The following LHFPL2 variants were observed in gnomAD, a reference collection of about 807,000 sequenced individuals.
The protein encoded by LHFPL2 is LHFPL tetraspan subfamily member 2, also known as LHFPL tetraspan subfamily member 2 protein.
A neutral mutation model predicts 17.5 loss-of-function variants in LHFPL2; 7 were observed. That is an observed-to-expected ratio of 0.40 (90% CI 0.23 to 0.75). The LOEUF (loss-of-function observed/expected upper bound fraction) is 0.75, where lower values mean the gene tolerates loss of function less well. Ranked by LOEUF, LHFPL2 falls within the 30% of genes least tolerant of loss-of-function variation. LHFPL2 has a pLI of 0.37. For missense variants in LHFPL2, 241 were observed against 294.8 expected (o/e 0.82, Z 1.34); for synonymous variants, 134 against 116.2 (o/e 1.15, Z -0.99).
chr5:78,636,565 A>T (rs1170659399), intron 1 of LHFPL2, among the ~76,000 whole-genome samples: 1 of 152,228 alleles, frequency 6.6e-6, no homozygotes, highest in African/African-American at 2.4e-5. Flanking sequence ...CACCTGGATC[A>T]GAATCAAGCT....
intron 4 of LHFPL2, among the ~76,000 whole-genome samples, chr5:78,502,282 G>A (rs1754798455): frequency 6.6e-6 from 1 of 152,226 alleles, no homozygotes; most frequent in African/African-American, 2.4e-5. Flanking sequence ...GATGCCCTTA[G>A]GATATGTGGA....
intron 2 of LHFPL2, among the ~76,000 whole-genome samples, chr5:78,609,478 AGAG>A: frequency 7.3e-6 from 1 of 136,536 alleles, no homozygotes; most frequent in East Asian, 2.2e-4. Flanking sequence ...AAAAAAAAAG[AGAG>A]AGAGCTTGCT....
intron 4 of LHFPL2, among the ~76,000 whole-genome samples, chr5:78,492,593 A>G (rs936713789): frequency 4.6e-5 from 7 of 152,234 alleles, no homozygotes; most frequent in African/African-American, 1.7e-4. Context: ...CTAATGGCTC[A>G]GGTGTGACTG....
chr5:78,640,564 A>C (rs551758460), intron 1 of LHFPL2, among the ~76,000 whole-genome samples: 26 of 152,366 alleles, frequency 1.7e-4, no homozygotes, highest in African/African-American at 6.0e-4. Flanking sequence ...CCACTGATCC[A>C]GTTTTGTACA....
intron 2 of LHFPL2, among the ~76,000 whole-genome samples, chr5:78,573,117 G>T (rs925562945): frequency 2.0e-5 from 3 of 152,072 alleles, no homozygotes; most frequent in African/African-American, 7.2e-5. Context: ...TTATCTAGTG[G>T]GGAAGAGAAA....
Position 78,618,126 on chromosome 5 carries a change from G to A in LHFPL2, c.-245+14138C>T, listed in dbSNP as rs371376594. On this transcript the variant is annotated intron_variant, in intron 2 of 4. Coordinates refer to ENST00000380345, the MANE Select transcript of LHFPL2 (RefSeq NM_005779.3). ...GGCTGAAGGAGAATCAATTGAACCC[G>A]GGAGGCAGAGGTTGCAGTGAGCCAA... is the stretch of plus-strand genomic sequence containing the variant. Among the ~76,000 whole-genome samples, 8 of 152,116 alleles carry A rather than the reference G, an allele frequency of 5.3e-5. No individual in the cohort carries two copies. The East Asian group carries it at 1.4e-3, about 26-fold the overall frequency.
At chr5:78,500,454 G>A (rs149805723) in intron 4 of LHFPL2, among the ~76,000 whole-genome samples, 441 of 152,286 alleles carry the variant, frequency 2.9e-3, no homozygotes, top group Non-Finnish European at 4.6e-3. Flanking sequence ...TCTGGCTCTC[G>A]TGAAATCTTG....
chr5:78,535,000 T>A (rs1755902920), intron 3 of LHFPL2, among the ~76,000 whole-genome samples: 1 of 152,236 alleles, frequency 6.6e-6, no homozygotes, highest in South Asian at 2.1e-4. Context: ...TGGCATTTTG[T>A]CATAAGCTGA....
At chr5:78,627,846 G>C (rs1745108131) in intron 2 of LHFPL2, among the ~76,000 whole-genome samples, 1 of 152,210 alleles carries the variant, frequency 6.6e-6, no homozygotes, top group African/African-American at 2.4e-5. Flanking sequence ...TGACCACTAT[G>C]CTGCAAATAA....
chr5:78,623,531 G>A (rs1183474198), intron 2 of LHFPL2, among the ~76,000 whole-genome samples: 1 of 152,184 alleles, frequency 6.6e-6, no homozygotes, highest in Non-Finnish European at 1.5e-5. Context: ...ATACAAATAA[G>A]CAAAAGGTGT....
chr5:78,633,363 T>G (rs950346012), intron 1 of LHFPL2, among the ~76,000 whole-genome samples: 12 of 152,344 alleles, frequency 7.9e-5, no homozygotes, highest in East Asian at 1.9e-4. Context: ...GGGCAGAGTC[T>G]GCCTGCCTCA....
rs559097096 is a variant in LHFPL2 at position 78,502,414 on chromosome 5, C to T, written c.430+7370G>A. On this transcript the variant is annotated intron_variant, in intron 4 of 4. Coordinates refer to ENST00000380345, the MANE Select transcript of LHFPL2 (RefSeq NM_005779.3). ...AGTTTTTAAAGCCTTAACTCTAGAA[C>T]GTTGAAATACATCTCAACAGACTAA... Among the ~76,000 whole-genome samples the T allele has an allele frequency of 5.9e-5, 9 of 152,320 alleles. No homozygotes were observed. In the South Asian group the frequency reaches 1.9e-3, roughly 32 times the overall value.
chr5:78,539,827 T>G (rs1003043509), intron 3 of LHFPL2, among the ~76,000 whole-genome samples: 1 of 152,050 alleles, frequency 6.6e-6, no homozygotes, highest in Non-Finnish European at 1.5e-5. Flanking sequence ...TTTTTTTTTT[T>G]TTTTTTTAAG....
intron 2 of LHFPL2, among the ~76,000 whole-genome samples, chr5:78,609,080 G>A (rs1172692737): frequency 1.3e-5 from 2 of 152,156 alleles, no homozygotes; most frequent in Non-Finnish European, 2.9e-5. Context: ...TGACTCAGGA[G>A]TTTTAATCCA....
intron 3 of LHFPL2, among the ~76,000 whole-genome samples, chr5:78,537,624 G>T (rs1002444838): frequency 6.6e-6 from 1 of 152,096 alleles, no homozygotes; most frequent in Admixed American, 6.5e-5. Context: ...CCTCCCACAC[G>T]GACCCCACGT....
intron 2 of LHFPL2, among the ~76,000 whole-genome samples, chr5:78,568,160 G>A (rs1378757413): frequency 1.3e-5 from 2 of 152,102 alleles, no homozygotes; most frequent in African/African-American, 4.8e-5. Context: ...TCACTTACTG[G>A]TTGTTAAACA....
At chr5:78,593,063 G>T (rs1315184264) in intron 2 of LHFPL2, among the ~76,000 whole-genome samples, 1 of 152,090 alleles carries the variant, frequency 6.6e-6, no homozygotes, top group Non-Finnish European at 1.5e-5. Flanking sequence ...CCTGGTTTTG[G>T]CAACTCGCGC....
intron 3 of LHFPL2, among the ~76,000 whole-genome samples, chr5:78,530,058 C>T (rs1755736043): frequency 6.6e-6 from 1 of 152,164 alleles, no homozygotes; most frequent in East Asian, 1.9e-4. Flanking sequence ...CCATTTTGCC[C>T]ATGCCAAGTT....
At chr5:78,581,603 C>A (rs1488991307) in intron 2 of LHFPL2, among the ~76,000 whole-genome samples, 2 of 152,028 alleles carry the variant, frequency 1.3e-5, no homozygotes, top group Admixed American at 1.3e-4. Flanking sequence ...TATTGATTTG[C>A]GTATATTGAA....
Sources: allele counts gnomAD v4.1 joint callset (sites outside exome capture counted in the v4.1 genomes callset), GRCh38; gene constraint gnomAD v4.1.1; transcripts MANE v1.5; gene names NCBI Gene and HGNC (gene_info 2026-07-23, HGNC 2026-07-21).